Variants in RAPGEF6 observed in about 807,000 individuals in gnomAD.
The protein encoded by RAPGEF6 is Rap guanine nucleotide exchange factor 6.
Under a neutral mutation model 171.4 loss-of-function variants are expected in RAPGEF6, and 56 were observed. That is an observed-to-expected ratio of 0.33 (90% confidence interval 0.26 to 0.41). RAPGEF6 has a LOEUF of 0.41. Ranked by LOEUF, RAPGEF6 falls within the 10% of genes least tolerant of loss-of-function variation. The pLI, the probability that RAPGEF6 is intolerant of heterozygous loss-of-function variation, is 1.00. For missense variants in RAPGEF6, 1,674 were observed against 1,921.4 expected (o/e 0.87, Z 2.41); for synonymous variants, 692 against 650.1 (o/e 1.06, Z -0.98).
At chr5:131,428,226 T>C (rs1419012198) in intron 27 of RAPGEF6, among the ~76,000 whole-genome samples, 1 of 151,964 alleles carries the variant, frequency 6.6e-6, no homozygotes, top group African/African-American at 2.4e-5. Flanking sequence ...CTGGTCAATA[T>C]AGTGAGACCC....
At chr5:131,522,143 T>C (rs1758539615) in intron 6 of RAPGEF6, among the ~76,000 whole-genome samples, 1 of 152,192 alleles carries the variant, frequency 6.6e-6, no homozygotes, top group Admixed American at 6.5e-5. Context: ...TTAATGAATG[T>C]CTGTACTAGG....
chr5:131,429,285 A>AAACTTATTAC (rs1491567120), intron 26 of RAPGEF6, 69 bp from the exon 27 acceptor site: 45 of 1,296,484 alleles, frequency 3.5e-5, no homozygotes, highest in Non-Finnish European at 4.0e-5. Context: ...ACCACCCCAC[A>AAACTTATTAC]AACTTATTAC....
intron 24 of RAPGEF6, among the ~76,000 whole-genome samples, chr5:131,438,693 C>T (rs940734395): frequency 5.3e-5 from 8 of 152,086 alleles, no homozygotes; most frequent in Admixed American, 5.2e-4. Context: ...CTGCACACTG[C>T]CCAGGCTAGC....
At chr5:131,624,347 C>G (rs1765776476) in intron 1 of RAPGEF6, among the ~76,000 whole-genome samples, 1 of 152,090 alleles carries the variant, frequency 6.6e-6, no homozygotes, top group Non-Finnish European at 1.5e-5. Context: ...ATGCAATGCA[C>G]AGAAACAGAA....
At chr5:131,634,756 G>A (rs1426894141) in intron 1 of RAPGEF6, among the ~76,000 whole-genome samples, 1 of 152,200 alleles carries the variant, frequency 6.6e-6, no homozygotes, top group African/African-American at 2.4e-5. Flanking sequence ...GGACGGGTAC[G>A]CGGGTTAAGA....
At chr5:131,626,372 T>G (rs559865687) in intron 1 of RAPGEF6, among the ~76,000 whole-genome samples, 97 of 152,218 alleles carry the variant, frequency 6.4e-4, no homozygotes, top group Non-Finnish European at 1.2e-3. Flanking sequence ...TAAAAGGCAA[T>G]TTTTGCATCT....
intron 6 of RAPGEF6, among the ~76,000 whole-genome samples, chr5:131,531,372 G>T (rs1759358577): frequency 1.3e-5 from 2 of 152,236 alleles, no homozygotes; most frequent in East Asian, 3.9e-4. Flanking sequence ...TCAAATTACA[G>T]ACTATATAAA....
intron 19 of RAPGEF6, among the ~76,000 whole-genome samples, chr5:131,458,928 C>T (rs1322240235): frequency 2.0e-5 from 3 of 152,200 alleles, no homozygotes; most frequent in Non-Finnish European, 4.4e-5. Flanking sequence ...GCCAGGATCA[C>T]AGGCGTGAGC....
At chr5:131,586,182 C>T (rs1304873775) in intron 4 of RAPGEF6, among the ~76,000 whole-genome samples, 4 of 152,144 alleles carry the variant, frequency 2.6e-5, no homozygotes, top group East Asian at 1.9e-4. Flanking sequence ...CATCCAAAGA[C>T]GTTACTAACA....
At chr5:131,607,731 GAGATAAACACTATGAAGACTCAAA>G (rs1430564575) in intron 1 of RAPGEF6, among the ~76,000 whole-genome samples, 2 of 152,114 alleles carry the variant, frequency 1.3e-5, no homozygotes, top group African/African-American at 4.8e-5. Flanking sequence ...CAGAAAATGG[GAGATAAACACTATGAAGACTCAAA>G]AGATATGCCA....
chr5:131,484,445 G>C (rs1450375340), intron 15 of RAPGEF6, among the ~76,000 whole-genome samples: 1 of 151,894 alleles, frequency 6.6e-6, no homozygotes, highest in Non-Finnish European at 1.5e-5. Flanking sequence ...TCAATCTCTT[G>C]ACCTCATGAT....
At chr5:131,614,831 A>T (rs1171783477) in intron 1 of RAPGEF6, among the ~76,000 whole-genome samples, 2 of 152,228 alleles carry the variant, frequency 1.3e-5, no homozygotes, top group Non-Finnish European at 2.9e-5. Flanking sequence ...GCCTAGCCCC[A>T]AGTCTGGTTT....
intron 19 of RAPGEF6, among the ~76,000 whole-genome samples, chr5:131,458,268 A>G (rs937189184): frequency 5.8e-4 from 89 of 152,302 alleles, no homozygotes; most frequent in African/African-American, 1.9e-3. Flanking sequence ...CGCTGTTCTC[A>G]TGATAATCAG....
chr5:131,488,502 G>A (rs555572588), intron 15 of RAPGEF6, among the ~76,000 whole-genome samples: 3 of 151,922 alleles, frequency 2.0e-5, no homozygotes, highest in Non-Finnish European at 2.9e-5. Context: ...GATATTAGTC[G>A]AAACTCCAGG....
At chr5:131,566,834 C>T (rs951035788) in intron 4 of RAPGEF6, among the ~76,000 whole-genome samples, 1 of 151,236 alleles carries the variant, frequency 6.6e-6, no homozygotes, top group Non-Finnish European at 1.5e-5. Context: ...GTAGGCCGGG[C>T]GCGGTGGCTG....
At chr5:131,608,104 A>G (rs1283768851) in intron 1 of RAPGEF6, among the ~76,000 whole-genome samples, 2 of 152,186 alleles carry the variant, frequency 1.3e-5, no homozygotes, top group African/African-American at 4.8e-5. Context: ...TACTGGCATC[A>G]TGTAGGTAGA....
At chr5:131,437,172 T>C (rs1247153489) in intron 24 of RAPGEF6, among the ~76,000 whole-genome samples, 7 of 152,230 alleles carry the variant, frequency 4.6e-5, no homozygotes, top group African/African-American at 1.7e-4. Context: ...TGAAACAGTT[T>C]TGAAGAGAAG....
intron 6 of RAPGEF6, among the ~76,000 whole-genome samples, chr5:131,540,460 G>T (rs1760060408): frequency 1.3e-5 from 2 of 152,182 alleles, no homozygotes; most frequent in African/African-American, 4.8e-5. Flanking sequence ...TAGCTACTCA[G>T]GAGGCTAAGG....
At chr5:131,456,119 C>A in intron 19 of RAPGEF6, 107 bp from the exon 20 acceptor site, 6 of 692,096 alleles carry the variant, frequency 8.7e-6, no homozygotes, top group Admixed American at 2.9e-5. Flanking sequence ...TAAGCAGGGA[C>A]ATATTTTAAC....
Sources: allele counts gnomAD v4.1 joint callset (sites outside exome capture counted in the v4.1 genomes callset), GRCh38; gene constraint gnomAD v4.1.1; transcripts MANE v1.5; gene names NCBI Gene and HGNC (gene_info 2026-07-23, HGNC 2026-07-21).